RDH13: variants seen among roughly 807,000 people sequenced by gnomAD.
RDH13 encodes retinol dehydrogenase 13.
RDH13 carries 35 observed loss-of-function variants against 28.3 expected under a neutral mutation model. That is an observed-to-expected ratio of 1.24 (90% confidence interval 0.95 to 1.64). RDH13 has a LOEUF of 1.64. RDH13 is among the 40% of genes most tolerant of loss of function. The pLI is 0.00. For missense variants in RDH13, 514 were observed against 446.3 expected (o/e 1.15, Z -1.37); for synonymous variants, 229 against 198.5 (o/e 1.15, Z -1.29).
intron 6 of RDH13, among the ~76,000 whole-genome samples, chr19:55,045,641 C>G (rs1412166364): frequency 6.6e-6 from 1 of 152,166 alleles, no homozygotes; most frequent in Non-Finnish European, 1.5e-5. Context: ...CTGGCACCAG[C>G]CTCAGGTTAA....
Position 55,044,495 on chromosome 19 carries a change from G to GCTCT in RDH13, c.*575_*578dup, listed in dbSNP as rs1355917329. On this transcript the variant is annotated 3_prime_UTR_variant, in exon 7 of 7. Transcript: ENST00000415061. ...TGAACTCAGGATGACACCTGCACCT[G>GCTCT]CTCTCTGGCTGGGCTCTGGCACAGG... 2.0e-5 allele frequency: 3 copies of GCTCT among 152,342 alleles called. No homozygotes were observed. Among genetic ancestry groups the GCTCT allele is most frequent in the African/African-American group, 7.2e-5 (3 of 41,402 alleles). The allele number at this position is 152,342 out of a possible 1,614,324, so 9.4% of individuals were successfully genotyped here.
chr19:55,054,793 G>C (rs1568713829), intron 3 of RDH13, among the ~76,000 whole-genome samples: 1 of 151,396 alleles, frequency 6.6e-6, no homozygotes, highest in Non-Finnish European at 1.5e-5. Flanking sequence ...TCCTAGGCTG[G>C]TCTCTAACTC....
At position 55,048,641 on chromosome 19, in the gene RDH13, C is replaced by G; in HGVS notation, c.445+18G>C. The G allele has an allele frequency of 1.9e-6, 3 of 1,612,866 alleles. No homozygotes were observed. Among genetic ancestry groups the G allele is most frequent in the Admixed American group, 1.7e-5 (1 of 59,918 alleles). On this transcript the variant is annotated intron_variant, in intron 4 of 6. Coordinates refer to ENST00000415061, the MANE Select transcript of RDH13 (RefSeq NM_001145971.2). Reference sequence around the variant, plus strand: ...AGGATCGCTTGAACCCATGGTGCAGCCCCTGCCCAGGCCTCACCCAGGTGG... The same window carrying G: ...AGGATCGCTTGAACCCATGGTGCAGGCCCTGCCCAGGCCTCACCCAGGTGG...
chr19:55,044,269 T>C (rs1009988356), downstream of RDH13: 12 of 152,318 alleles, frequency 7.9e-5, no homozygotes, highest in African/African-American at 2.2e-4. Context: ...GTTCAGCTCA[T>C]GGGCATTCAC....
intron 3 of RDH13, among the ~76,000 whole-genome samples, chr19:55,055,721 C>T (rs1215927144): frequency 3.3e-5 from 5 of 151,700 alleles, no homozygotes; most frequent in East Asian, 3.9e-4. Flanking sequence ...TGTGTGGTGG[C>T]GTATGCCTGT....
chr19:55,040,660 G>T (rs146876314), downstream of RDH13: 5 of 152,266 alleles, frequency 3.3e-5, no homozygotes, highest in Non-Finnish European at 7.3e-5. Context: ...AATTTTAAAC[G>T]TGTTAATAAA....
intron 1 of RDH13, among the ~76,000 whole-genome samples, chr19:55,060,293 G>C (rs755081799): frequency 6.6e-6 from 1 of 151,452 alleles, no homozygotes; most frequent in African/African-American, 2.5e-5. Context: ...GGCGGGAGGC[G>C]AGACATGTTT....
rs765154178 is a variant in RDH13 at position 55,045,091 on chromosome 19, GCTCCCTCAC to G, written c.970_978del (p.Val324_Glu326del). 1 of 1,605,982 alleles carries G rather than the reference GCTCCCTCAC, an allele frequency of 6.2e-7. No individual in the cohort carries two copies. Among genetic ancestry groups the G allele is most frequent in the Non-Finnish European group, 8.5e-7 (1 of 1,176,358 alleles). On this transcript the variant is annotated inframe_deletion, in exon 7 of 7. Transcript: ENST00000415061. ...TCCAGAGGTTATCTGGGGAGGGGCT[GCTCCCTCAC>G]AGAGGGAGCCTCTAAGCCCACCAGG...
chr19:55,063,190 CGGGGCGCGGGCGGAG>C (rs2075867595), upstream of RDH13: 1 of 549,366 alleles, frequency 1.8e-6, no homozygotes, highest in Non-Finnish European at 2.8e-6. Flanking sequence ...CTGCGAGGGG[CGGGGCGCGGGCGGAG>C]GGGGCGGGGA....
upstream of RDH13, chr19:55,063,158 T>G: frequency 1.1e-6 from 1 of 889,244 alleles, no homozygotes; most frequent in Non-Finnish European, 1.5e-6. Flanking sequence ...CAGGCGCGGC[T>G]GGGCCCGCGT....
At position 55,063,025 on chromosome 19, in the gene RDH13, C is replaced by A. The variant is rs773250626; in HGVS notation, c.8G>T (p.Arg3Leu). The A allele has an allele frequency of 7.0e-7, 1 of 1,438,120 alleles. No individual in the cohort carries two copies. Among genetic ancestry groups the A allele is most frequent in the African/African-American group, 1.5e-5 (1 of 66,634 alleles). 89.1% of individuals were successfully genotyped at this position (1,438,120 alleles called of 1,614,324 possible). A position where few individuals can be genotyped will look rare whatever the true frequency, so the allele number is the denominator to read the frequency against. Reference sequence around the variant, plus strand: ...CAGCGCCGACAGCGGCAGCAGGTAGCGGCTCATGCCGGGCCGGGGACAGGC... The same window carrying A: ...CAGCGCCGACAGCGGCAGCAGGTAGAGGCTCATGCCGGGCCGGGGACAGGC... MS[R>L]YLLPLSALGT... Residue 3 changes from arginine to leucine, a missense_variant, in exon 1 of 7, where the codon CGC becomes CTC. Transcript: ENST00000415061.
downstream of RDH13, among the ~76,000 whole-genome samples, chr19:55,039,928 C>T (rs776843961): frequency 6.6e-6 from 1 of 152,146 alleles, no homozygotes; most frequent in Non-Finnish European, 1.5e-5. Context: ...GGAAATATTC[C>T]GGACTTGACA....
rs774226545 is a variant in RDH13, at chr19:55,056,713, GGGC to G, written c.277_279del (p.Ala93del). 9 of 1,613,794 alleles carry G rather than the reference GGGC, an allele frequency of 5.6e-6. No homozygotes were observed. Among genetic ancestry groups the G allele is most frequent in the African/African-American group, 1.3e-5 (1 of 74,834 alleles). Reference sequence around the variant, plus strand: ...TTGAGGGAAGCCAAGTCCAGGTGCCGGGCGTTGACATGGTGATTGAGGGTCTCC... The same window carrying G: ...TTGAGGGAAGCCAAGTCCAGGTGCCGGTTGACATGGTGATTGAGGGTCTCC... On this transcript the variant is annotated inframe_deletion, in exon 3 of 7. Coordinates refer to ENST00000415061, the MANE Select transcript of RDH13 (RefSeq NM_001145971.2).
At chr19:55,062,897 C>G in intron 1 of RDH13, 71 bp downstream of exon 1, 1 of 1,287,454 alleles carries the variant, frequency 7.8e-7, no homozygotes, top group Non-Finnish European at 1.0e-6. Context: ...GGGCGGGGGT[C>G]TCCGCCGCCT....
chr19:55,068,039 CCTT>C (rs1407191475), upstream of RDH13, among the ~76,000 whole-genome samples: 5 of 146,768 alleles, frequency 3.4e-5, no homozygotes, highest in South Asian at 9.1e-4. Context: ...TCCTGTGTCT[CCTT>C]CTCTCTCTCT....
Position 55,062,951 on chromosome 19 carries a change from G to C in RDH13, c.65+17C>G, listed in dbSNP as rs1568738081. On this transcript the variant is annotated intron_variant, in intron 1 of 6. Transcript: ENST00000415061. ...GGGCCCGCCTTGACCGCGCACGCGG[G>C]GCTAGAATGTACTCACTTGAGCAGC... 2 of 1,465,532 alleles carry C rather than the reference G, an allele frequency of 1.4e-6. No homozygotes were observed. The highest frequency in any genetic ancestry group is 1.8e-6 in the Non-Finnish European group (2 of 1,112,160). The allele number at this position is 1,465,532 out of a possible 1,614,324, so 90.8% of individuals were successfully genotyped here. A position where few individuals can be genotyped will look rare whatever the true frequency, so the allele number is the denominator to read the frequency against.
At chr19:55,062,870 C>T in intron 1 of RDH13, 98 bp downstream of exon 1, 1 of 1,109,376 alleles carries the variant, frequency 9.0e-7, no homozygotes, top group South Asian at 2.0e-5. Context: ...GCTACGGGGC[C>T]TGGACCCGGG....
downstream of RDH13, among the ~76,000 whole-genome samples, chr19:55,043,674 G>A (rs1252250448): frequency 6.6e-6 from 1 of 152,090 alleles, no homozygotes; most frequent in African/African-American, 2.4e-5. Flanking sequence ...TGGCTGTTCT[G>A]TGTACTGTGG....
chr19:55,053,284 C>G lies in RDH13; in HGVS notation c.340+3369G>C, dbSNP rs922217013. On this transcript the variant is annotated intron_variant, in intron 3 of 6. Transcript: ENST00000415061. The stretch of plus-strand genomic sequence containing the variant: ...TTTTAAATCCACTGCTGTCTTTATT[C>G]CTGGCTGTTGATCTTAGGAAAACAC... Among the ~76,000 whole-genome samples, 4 of 152,210 alleles carry G rather than the reference C, an allele frequency of 2.6e-5. No homozygotes were observed. The South Asian group carries it at 8.3e-4, about 32-fold the overall frequency.
Sources: gnomAD v4.1 joint callset for allele counts (sites outside exome capture counted in the v4.1 genomes callset) on GRCh38, gnomAD v4.1.1 for gene constraint, MANE v1.5 for transcripts, NCBI Gene and HGNC (gene_info 2026-07-23, HGNC 2026-07-21) for gene names.